The following ABTB3 variants were observed in gnomAD, a reference collection of about 807,000 sequenced individuals.
The protein encoded by ABTB3 is ankyrin repeat- and BTB/POZ domain-containing protein 3.
the ABTB3 span, among the ~76,000 whole-genome samples, chr12:107,406,814 A>G: frequency 2.0e-5 from 3 of 152,168 alleles, no homozygotes; most frequent in East Asian, 5.8e-4. Context: ...AAAACAAAGG[A>G]GATTTTCTGA....
the ABTB3 span, among the ~76,000 whole-genome samples, chr12:107,551,624 A>G: frequency 1.3e-5 from 2 of 152,350 alleles, no homozygotes; most frequent in Non-Finnish European, 2.9e-5. Context: ...TTTACATATT[A>G]TTTATGGCTG....
At chr12:107,405,240 A>G in the ABTB3 span, among the ~76,000 whole-genome samples, 1 of 152,328 alleles carries the variant, frequency 6.6e-6, no homozygotes, top group African/African-American at 2.4e-5. Context: ...TCTAGAATTA[A>G]GCAGGGCATA....
chr12:107,420,851 C>T, the ABTB3 span, among the ~76,000 whole-genome samples: 1 of 152,164 alleles, frequency 6.6e-6, no homozygotes, highest in Non-Finnish European at 1.5e-5. Flanking sequence ...GAGGACACTA[C>T]CCCATCCCAC....
chr12:107,335,540 C>T, the ABTB3 span, among the ~76,000 whole-genome samples: 15 of 152,112 alleles, frequency 9.9e-5, no homozygotes, highest in African/African-American at 3.4e-4. Flanking sequence ...ACACACACAT[C>T]AGCAGAGTTT....
chr12:107,573,066 G>A, the ABTB3 span, among the ~76,000 whole-genome samples: 30 of 152,128 alleles, frequency 2.0e-4, no homozygotes, highest in African/African-American at 5.1e-4. Flanking sequence ...TGACCTTCAC[G>A]CTGCAAAAGA....
chr12:107,616,345 G>C, the ABTB3 span, among the ~76,000 whole-genome samples: 1 of 152,182 alleles, frequency 6.6e-6, no homozygotes, highest in Admixed American at 6.5e-5. Context: ...TGCCCTCAGG[G>C]AGCCCTAGGT....
the ABTB3 span, among the ~76,000 whole-genome samples, chr12:107,462,606 G>A: frequency 6.6e-6 from 1 of 152,032 alleles, no homozygotes; most frequent in Admixed American, 6.5e-5. Context: ...GGTAGTGACA[G>A]TTATGATGAT....
chr12:107,415,035 G>A, the ABTB3 span, among the ~76,000 whole-genome samples: 2 of 151,956 alleles, frequency 1.3e-5, no homozygotes, highest in South Asian at 2.1e-4. Context: ...CTTATCCCAC[G>A]CAGACTACAC....
chr12:107,652,545 A>T, the ABTB3 span, among the ~76,000 whole-genome samples: 1 of 152,204 alleles, frequency 6.6e-6, no homozygotes, highest in Non-Finnish European at 1.5e-5. Flanking sequence ...GAGTCTGCTT[A>T]ATCAGGCAGA....
chr12:107,437,213 A>G, the ABTB3 span, among the ~76,000 whole-genome samples: 1 of 152,130 alleles, frequency 6.6e-6, no homozygotes, highest in Non-Finnish European at 1.5e-5. Flanking sequence ...ACACAGTTCC[A>G]GAGGTCAGAA....
At chr12:107,630,285 A>T in the ABTB3 span, among the ~76,000 whole-genome samples, 1 of 152,154 alleles carries the variant, frequency 6.6e-6, no homozygotes, top group African/African-American at 2.4e-5. Flanking sequence ...AAATATTTGG[A>T]GAATGAATGA....
At chr12:107,476,416 C>T in the ABTB3 span, among the ~76,000 whole-genome samples, 88 of 152,226 alleles carry the variant, frequency 5.8e-4, no homozygotes, top group African/African-American at 2.0e-3. Context: ...ATTAGGAGAC[C>T]TGGATTTAGT....
the ABTB3 span, among the ~76,000 whole-genome samples, chr12:107,435,913 A>G: frequency 2.0e-5 from 3 of 152,216 alleles, no homozygotes; most frequent in African/African-American, 7.2e-5. Flanking sequence ...GTGGCTGTTA[A>G]TACTTGAAAT....
the ABTB3 span, among the ~76,000 whole-genome samples, chr12:107,599,427 C>G: frequency 6.6e-6 from 1 of 152,206 alleles, no homozygotes; most frequent in Admixed American, 6.5e-5. Context: ...CATTTCAACT[C>G]CAGCAGTTCC....
chr12:107,642,022 C>A, the ABTB3 span: 1 of 1,416,386 alleles, frequency 7.1e-7, no homozygotes, highest in South Asian at 1.1e-5. Context: ...GTCAGGAGAG[C>A]AGAGTTTTTT....
the ABTB3 span, among the ~76,000 whole-genome samples, chr12:107,634,039 A>G: frequency 1.3e-5 from 2 of 152,352 alleles, no homozygotes; most frequent in South Asian, 2.1e-4. Flanking sequence ...GCCTCTCGTC[A>G]TTGAAAGTTG....
the ABTB3 span, among the ~76,000 whole-genome samples, chr12:107,513,603 C>A: frequency 2.6e-4 from 40 of 152,314 alleles, no homozygotes; most frequent in Middle Eastern, 6.8e-3. Context: ...TCTTTCCTTT[C>A]TAAATCACCC....
the ABTB3 span, among the ~76,000 whole-genome samples, chr12:107,566,936 G>T: frequency 1.3e-5 from 2 of 152,216 alleles, no homozygotes; most frequent in Non-Finnish European, 2.9e-5. Context: ...AACAGAGGGA[G>T]ACTGCCCCCA....
At chr12:107,574,109 G>T in the ABTB3 span, among the ~76,000 whole-genome samples, 1 of 152,194 alleles carries the variant, frequency 6.6e-6, no homozygotes, top group Admixed American at 6.5e-5. Flanking sequence ...GTTGTTGGAA[G>T]ACTAAATGAG....
Sources: gnomAD v4.1 joint callset for allele counts (sites outside exome capture counted in the v4.1 genomes callset) on GRCh38, gnomAD v4.1.1 for gene constraint, MANE v1.5 for transcripts, NCBI Gene and HGNC (gene_info 2026-07-23, HGNC 2026-07-21) for gene names.